Variants in TBL1X observed in about 807,000 individuals in gnomAD.
TBL1X encodes the protein F-box-like/WD repeat-containing protein TBL1X.
In TBL1X, 10 loss-of-function variants were observed where a neutral mutation model predicts 50.7. The observed-to-expected ratio is 0.20, with a 90% CI of 0.12 to 0.33. The LOEUF is 0.33. Ranked by LOEUF, TBL1X falls within the 10% of genes least tolerant of loss-of-function variation. TBL1X has a pLI of 1.00. For synonymous variants in TBL1X, 190 were observed against 214.7 expected, an observed-to-expected ratio of 0.88 and a Z score of 1.01; for missense variants, 340 against 504.4, an observed-to-expected ratio of 0.67 and a Z score of 3.12.
intron 2 of TBL1X, among the ~76,000 whole-genome samples, chrX:9,519,643 T>G (rs1452499731): frequency 8.9e-6 from 1 of 111,961 alleles, no homozygotes; most frequent in East Asian, 2.8e-4. Context: ...AGACATGAAG[T>G]AGGCAGGCAG....
chrX:9,635,769 C>T (rs1008694148), intron 2 of TBL1X, among the ~76,000 whole-genome samples: 6 of 112,153 alleles, frequency 5.3e-5, no homozygotes, highest in African/African-American at 1.9e-4. Context: ...TCCCTCCGCC[C>T]ATCCTGTGCA....
At chrX:9,644,907 C>T (rs2082795890) in intron 3 of TBL1X, 1 of 112,014 alleles carries the variant, frequency 8.9e-6, no homozygotes, top group African/African-American at 3.2e-5. Context: ...ATCAGCCCGC[C>T]TCAGCCTCCC....
chrX:9,496,770 C>T (rs771608777), intron 1 of TBL1X, among the ~76,000 whole-genome samples: 1 of 111,666 alleles, frequency 9.0e-6, no homozygotes, highest in African/African-American at 3.3e-5. Context: ...ATCAGACGTT[C>T]CTAGCCCGAA....
At position 9,518,873 on chromosome X, in the gene TBL1X, G is replaced by A. The variant is rs184902763; in HGVS notation, c.-131+17024G>A. Among the ~76,000 whole-genome samples, 221 of 110,918 alleles carry A rather than the reference G, an allele frequency of 2.0e-3. 2 individuals are homozygous for A. The highest frequency in any genetic ancestry group is 3.4e-3 in the Non-Finnish European group (181 of 52,848). On this transcript the variant is annotated intron_variant, in intron 2 of 17. Transcript: ENST00000645353. ...GCCACACAGGCAGACTGTCCATGCTGACGTGTAAGGCAGGGCCTTACACCT... is the reference window on the plus strand; with the variant it reads ...GCCACACAGGCAGACTGTCCATGCTAACGTGTAAGGCAGGGCCTTACACCT...
chrX:9,477,009 C>T (rs942756924), intron 1 of TBL1X, among the ~76,000 whole-genome samples: 4 of 112,220 alleles, frequency 3.6e-5, no homozygotes, highest in Non-Finnish European at 3.8e-5. Flanking sequence ...CTCATATCCA[C>T]CCAGTAGTTA....
At chrX:9,709,797 TA>T in intron 15 of TBL1X, 37 bp downstream of exon 15, 5 of 1,198,639 alleles carry the variant, frequency 4.2e-6, no homozygotes, top group Non-Finnish European at 5.6e-6. Flanking sequence ...AGCTCGGTGT[TA>T]CACAAAGACA....
intron 2 of TBL1X, among the ~76,000 whole-genome samples, chrX:9,511,058 G>T (rs1021875502): frequency 2.7e-5 from 3 of 112,252 alleles, no homozygotes; most frequent in Non-Finnish European, 3.8e-5. Context: ...ATACGTGCTT[G>T]TAAGTACAGG....
intron 1 of TBL1X, among the ~76,000 whole-genome samples, chrX:9,484,590 C>CT (rs1293652971): frequency 9.0e-6 from 1 of 111,362 alleles, no homozygotes; most frequent in Non-Finnish European, 1.9e-5. Flanking sequence ...ATGTCACTAA[C>CT]TCATTCCTCT....
chrX:9,488,957 A>G (rs1337447927), intron 1 of TBL1X, among the ~76,000 whole-genome samples: 1 of 110,969 alleles, frequency 9.0e-6, no homozygotes, highest in Non-Finnish European at 1.9e-5. Flanking sequence ...AAGTGCTGGG[A>G]TTGCAGGTTT....
At chrX:9,615,610 G>A (rs1210042794) in intron 2 of TBL1X, among the ~76,000 whole-genome samples, 2 of 112,014 alleles carry the variant, frequency 1.8e-5, no homozygotes, top group African/African-American at 3.2e-5. Context: ...GCTCATTACC[G>A]ATGCTGAGTT....
intron 1 of TBL1X, among the ~76,000 whole-genome samples, chrX:9,489,445 C>T (rs1217383556): frequency 9.0e-6 from 1 of 111,651 alleles, no homozygotes; most frequent in Non-Finnish European, 1.9e-5. Flanking sequence ...AACAAACAGC[C>T]CCCAAATTCA....
intron 5 of TBL1X, among the ~76,000 whole-genome samples, chrX:9,672,315 C>T (rs1177611265): frequency 8.9e-6 from 1 of 112,180 alleles, no homozygotes; most frequent in Non-Finnish European, 1.9e-5. Context: ...ACATTCAAGA[C>T]TTGCCTGCTC....
intron 5 of TBL1X, among the ~76,000 whole-genome samples, chrX:9,659,987 T>C (rs1476943910): frequency 8.9e-6 from 1 of 112,355 alleles, no homozygotes; most frequent in Non-Finnish European, 1.9e-5. Flanking sequence ...TTTGCATACC[T>C]TCCCCTCCTT....
rs1319501158 is a variant in TBL1X, at chrX:9,653,642, G to A, written c.56G>A (p.Gly19Glu). The part of the protein sequence containing the change: ...SSCCHRPAGR[G>E]AMQSVLHHFQ... Reference sequence around the variant, plus strand: ...TGCTGCCACCGCCCTGCAGGAAGAGGGGCCATGCAGTCAGTCTTGCACCAC... The same window carrying A: ...TGCTGCCACCGCCCTGCAGGAAGAGAGGCCATGCAGTCAGTCTTGCACCAC... Residue 19 changes from glycine (G) to glutamate (E), a missense_variant, in exon 4 of 18, where the codon GGG becomes GAG. Gly to Glu is a moderately conservative substitution (Grantham distance 98). Transcript: ENST00000645353. The A allele has an allele frequency of 6.8e-6, 8 of 1,173,484 alleles. No homozygotes were observed. Among genetic ancestry groups the A allele is most frequent in the Non-Finnish European group, 9.1e-6 (8 of 875,874 alleles).
Position 9,531,393 on chromosome X carries a change from G to T in TBL1X, c.-131+29544G>T, listed in dbSNP as rs909154018. Among the ~76,000 whole-genome samples, 3 of 107,343 alleles carry T rather than the reference G, an allele frequency of 2.8e-5. No individual in the cohort carries two copies. The East Asian group carries it at 8.7e-4, about 31-fold the overall frequency. The allele number at this position is 107,343 out of a possible 115,157, so 93.2% of individuals were successfully genotyped here. On this transcript the variant is annotated intron_variant, in intron 2 of 17. Transcript: ENST00000645353. ...TGTGTGTGTGTGTGTGTGTGTGTGT[G>T]TGTGTGTGTTGGTGTGTGTTGGTGG...
chrX:9,642,229 T>C (rs2082779313), intron 3 of TBL1X, among the ~76,000 whole-genome samples: 1 of 111,789 alleles, frequency 8.9e-6, no homozygotes, highest in Admixed American at 9.5e-5. Flanking sequence ...GTGTTTGGCT[T>C]TATACCTCAG....
chrX:9,536,463 C>A (rs1569218084), intron 2 of TBL1X, among the ~76,000 whole-genome samples: 1 of 110,603 alleles, frequency 9.0e-6, no homozygotes, highest in Non-Finnish European at 1.9e-5. Flanking sequence ...TGTGGGCCAG[C>A]ATGGTCTCGA....
At chrX:9,554,283 C>T (rs761391810) in intron 2 of TBL1X, among the ~76,000 whole-genome samples, 8 of 112,372 alleles carry the variant, frequency 7.1e-5, no homozygotes, top group Non-Finnish European at 1.3e-4. Context: ...ATTTAAAATC[C>T]ACTTAGGAAA....
chrX:9,627,908 A>G (rs995101042), intron 2 of TBL1X, among the ~76,000 whole-genome samples: 6 of 112,304 alleles, frequency 5.3e-5, no homozygotes, highest in African/African-American at 1.9e-4. Context: ...TGGTTCAGTT[A>G]TATAATGGAC....
Sources: allele counts gnomAD v4.1 joint callset (sites outside exome capture counted in the v4.1 genomes callset), GRCh38; gene constraint gnomAD v4.1.1; transcripts MANE v1.5; gene names NCBI Gene and HGNC (gene_info 2026-07-23, HGNC 2026-07-21).